Variants in RNF150 observed in about 807,000 individuals in gnomAD.
The protein encoded by RNF150 is ring finger protein 150.
A neutral mutation model predicts 39.3 loss-of-function variants in RNF150; 24 were observed. That is an observed-to-expected ratio of 0.61 (90% CI 0.44 to 0.86). The LOEUF (loss-of-function observed/expected upper bound fraction) is 0.86, where lower values mean the gene tolerates loss of function less well. Ranked by LOEUF, RNF150 falls within the 40% of genes least tolerant of loss-of-function variation. The pLI, the probability that RNF150 is intolerant of heterozygous loss-of-function variation, is 0.00. For missense variants in RNF150, 502 were observed against 587.8 expected, an observed-to-expected ratio of 0.85 and a Z score of 1.51; for synonymous variants, 255 against 227.3, an observed-to-expected ratio of 1.12 and a Z score of -1.10.
chr4:141,114,990 T>C (rs1056314686), intron 1 of RNF150, among the ~76,000 whole-genome samples: 4 of 152,102 alleles, frequency 2.6e-5, no homozygotes, highest in African/African-American at 9.7e-5. Flanking sequence ...ATGGAACATA[T>C]CTCAAAATAA....
chr4:141,099,096 T>A (rs1304303478), intron 1 of RNF150, among the ~76,000 whole-genome samples: 1 of 152,140 alleles, frequency 6.6e-6, no homozygotes, highest in Non-Finnish European at 1.5e-5. Context: ...TGAAAATTAA[T>A]CCTATAATTT....
intron 1 of RNF150, among the ~76,000 whole-genome samples, chr4:141,143,853 T>C (rs1293977740): frequency 6.6e-6 from 1 of 152,224 alleles, no homozygotes; most frequent in East Asian, 1.9e-4. Context: ...TCTTCCTTTA[T>C]TTTAAATGCC....
chr4:141,089,262 CA>C (rs34485930), intron 1 of RNF150, among the ~76,000 whole-genome samples: 56,675 of 151,828 alleles, frequency 0.37, 11,342 homozygotes, highest in East Asian at 0.76. Context: ...TACGTCAAAT[CA>C]AGAGATAATA....
chr4:140,917,756 C>G (rs550940902), intron 5 of RNF150, among the ~76,000 whole-genome samples: 1 of 151,314 alleles, frequency 6.6e-6, no homozygotes, highest in African/African-American at 2.4e-5. Flanking sequence ...CAGCACCACA[C>G]CACACCTATT....
At position 141,032,469 on chromosome 4, in the gene RNF150, C is replaced by T. The variant is rs1334324019; in HGVS notation, c.485-64596G>A. On this transcript the variant is annotated intron_variant, in intron 1 of 6. Transcript: ENST00000515673. ...ACTCGCATGTACATACATACACAAA[C>T]GTAACTACTAAGTGAGGTGATGAAT... is the stretch of plus-strand genomic sequence containing the variant. Among the ~76,000 whole-genome samples the T allele has an allele frequency of 3.9e-5, 6 of 152,078 alleles. No individual in the cohort carries two copies. The South Asian group carries it at 1.2e-3, about 32-fold the overall frequency.
At chr4:140,930,804 G>A (rs940371277) in intron 4 of RNF150, among the ~76,000 whole-genome samples, 14 of 152,082 alleles carry the variant, frequency 9.2e-5, no homozygotes, top group East Asian at 1.9e-4. Context: ...CGTCACCCCC[G>A]TGTTCCATTC....
intron 1 of RNF150, among the ~76,000 whole-genome samples, chr4:141,060,517 G>A (rs1012544915): frequency 3.3e-5 from 5 of 152,030 alleles, no homozygotes; most frequent in African/African-American, 4.8e-5. Context: ...TAAGGGTTAT[G>A]GTGGATAATA....
At chr4:140,962,993 C>A (rs538329853) in intron 2 of RNF150, among the ~76,000 whole-genome samples, 1 of 151,796 alleles carries the variant, frequency 6.6e-6, no homozygotes, top group Non-Finnish European at 1.5e-5. Context: ...TATAGATACA[C>A]ATATAATGAA....
chr4:140,966,852 T>C (rs1317065122), intron 2 of RNF150, among the ~76,000 whole-genome samples: 1 of 152,160 alleles, frequency 6.6e-6, no homozygotes, highest in Non-Finnish European at 1.5e-5. Context: ...GTAGATATAC[T>C]TACAAATGTA....
chr4:141,117,208 A>G (rs1739578090), intron 1 of RNF150, among the ~76,000 whole-genome samples: 1 of 152,210 alleles, frequency 6.6e-6, no homozygotes, highest in South Asian at 2.1e-4. Flanking sequence ...TGACTTGTGG[A>G]ATAATTAAAT....
chr4:141,196,265 C>T (rs912666345), intron 1 of RNF150, among the ~76,000 whole-genome samples: 1 of 152,164 alleles, frequency 6.6e-6, no homozygotes, highest in Non-Finnish European at 1.5e-5. Flanking sequence ...ATTTCTGTCT[C>T]CTCCATTTGA....
At chr4:140,900,917 C>T (rs1256068420) in intron 6 of RNF150, among the ~76,000 whole-genome samples, 1 of 151,986 alleles carries the variant, frequency 6.6e-6, no homozygotes, top group Non-Finnish European at 1.5e-5. Flanking sequence ...GAAACTGAGG[C>T]CCAGAGATAT....
At chr4:140,948,717 G>A (rs1307610669) in intron 3 of RNF150, among the ~76,000 whole-genome samples, 2 of 152,196 alleles carry the variant, frequency 1.3e-5, no homozygotes, top group African/African-American at 2.4e-5. Context: ...TGGGATTACA[G>A]GCATGAGCCA....
At chr4:141,181,090 A>G (rs1460210909) in intron 1 of RNF150, among the ~76,000 whole-genome samples, 1 of 152,206 alleles carries the variant, frequency 6.6e-6, no homozygotes, top group Non-Finnish European at 1.5e-5. Context: ...ATATGCTAGT[A>G]AGTCTTCACT....
intron 1 of RNF150, among the ~76,000 whole-genome samples, chr4:141,063,771 C>T (rs1254843682): frequency 6.6e-6 from 1 of 152,088 alleles, no homozygotes; most frequent in African/African-American, 2.4e-5. Flanking sequence ...GCAGATTTTA[C>T]AGATTCTCAC....
intron 1 of RNF150, among the ~76,000 whole-genome samples, chr4:141,173,855 C>G (rs1727767513): frequency 6.6e-6 from 1 of 152,182 alleles, no homozygotes; most frequent in Non-Finnish European, 1.5e-5. Flanking sequence ...AGTGAAAGTT[C>G]TTCCTCAAAA....
intron 6 of RNF150, among the ~76,000 whole-genome samples, chr4:140,906,924 G>A (rs962176725): frequency 1.3e-5 from 2 of 152,124 alleles, no homozygotes; most frequent in African/African-American, 2.4e-5. Context: ...GAATGGCGAG[G>A]TCAACAATCT....
Position 140,868,381 on chromosome 4 carries a change from T to G in RNF150, c.1199-2A>C. ...TGCTTACAGCTGGCTCCTGCTCACC[T>G]GGGAGGAGAAAGCAAAGTTCACAGT... On this transcript the variant is annotated splice_acceptor_variant, in intron 6 of 6. Transcript: ENST00000515673. LOFTEE classifies it high-confidence loss of function. 2 of 1,582,772 alleles carry G rather than the reference T, an allele frequency of 1.3e-6. No homozygotes were observed. Among genetic ancestry groups the G allele is most frequent in the Non-Finnish European group, 1.7e-6 (2 of 1,151,434 alleles).
chr4:141,104,477 C>A (rs1739131621), intron 1 of RNF150, among the ~76,000 whole-genome samples: 1 of 152,116 alleles, frequency 6.6e-6, no homozygotes, highest in African/African-American at 2.4e-5. Context: ...GGAAAGGAGT[C>A]AATTAAAATA....
Sources: gnomAD v4.1 joint callset for allele counts (sites outside exome capture counted in the v4.1 genomes callset) on GRCh38, gnomAD v4.1.1 for gene constraint, MANE v1.5 for transcripts, NCBI Gene and HGNC (gene_info 2026-07-23, HGNC 2026-07-21) for gene names.